Variants in OPHN1 observed in about 807,000 individuals in gnomAD.
The protein encoded by OPHN1 is oligophrenin-1.
Under a neutral mutation model 60.7 loss-of-function variants are expected in OPHN1, and 11 were observed. The ratio of observed to expected loss-of-function variants is 0.18; its 90% CI spans 0.11 to 0.30. The LOEUF (loss-of-function observed/expected upper bound fraction) is 0.30. Ranked by LOEUF, OPHN1 falls within the 10% of genes least tolerant of loss-of-function variation. The pLI, the probability that OPHN1 is intolerant of heterozygous loss-of-function variation, is 1.00. For missense variants in OPHN1, 449 were observed against 611.0 expected (o/e 0.73, Z 2.80); for synonymous variants, 226 against 222.6 (o/e 1.02, Z -0.14).
chrX:68,184,572 T>A (rs917000828), intron 15 of OPHN1, among the ~76,000 whole-genome samples: 1 of 110,985 alleles, frequency 9.0e-6, no homozygotes, highest in Non-Finnish European at 1.9e-5. Flanking sequence ...CAACACTGTA[T>A]TCAGATACAA....
intron 2 of OPHN1, among the ~76,000 whole-genome samples, chrX:68,383,632 T>C (rs1281210453): frequency 5.7e-5 from 5 of 88,206 alleles, no homozygotes; most frequent in African/African-American, 8.6e-5. Flanking sequence ...AAACAGGCAA[T>C]GTTGGAGGAA....
At chrX:68,386,300 GC>G (rs1418306639) in intron 2 of OPHN1, among the ~76,000 whole-genome samples, 1 of 111,541 alleles carries the variant, frequency 9.0e-6, no homozygotes, top group African/African-American at 3.3e-5. Context: ...TGAGAAGATG[GC>G]TTTGGGAAAA....
chrX:68,359,742 G>C (rs2078461010), intron 2 of OPHN1, among the ~76,000 whole-genome samples: 1 of 108,077 alleles, frequency 9.3e-6, no homozygotes, highest in African/African-American at 3.4e-5. Flanking sequence ...TGTAGTCCCA[G>C]CTACTCGGGA....
At chrX:68,409,790 C>T (rs1232736791) in intron 2 of OPHN1, among the ~76,000 whole-genome samples, 1 of 111,967 alleles carries the variant, frequency 8.9e-6, no homozygotes, top group Non-Finnish European at 1.9e-5. Flanking sequence ...CAAAGAATCA[C>T]TTCTAGGACA....
intron 2 of OPHN1, among the ~76,000 whole-genome samples, chrX:68,329,924 TA>T (rs779795235): frequency 8.9e-6 from 1 of 111,998 alleles, no homozygotes; most frequent in East Asian, 2.8e-4. Flanking sequence ...AGTTATGCTT[TA>T]TATTGAGAAC....
At chrX:68,376,937 T>C (rs2078560454) in intron 2 of OPHN1, among the ~76,000 whole-genome samples, 1 of 105,980 alleles carries the variant, frequency 9.4e-6, no homozygotes, top group Non-Finnish European at 2.0e-5. Flanking sequence ...AATCTTTTTT[T>C]TTTTTTTTTT....
chrX:68,232,422 A>C (rs1052215516), intron 6 of OPHN1, among the ~76,000 whole-genome samples: 2 of 111,503 alleles, frequency 1.8e-5, no homozygotes, highest in East Asian at 2.8e-4. Context: ...GGTGTCACCC[A>C]AGACACATTT....
intron 15 of OPHN1, among the ~76,000 whole-genome samples, chrX:68,166,836 T>A (rs1214403600): frequency 3.6e-5 from 4 of 112,173 alleles, no homozygotes; most frequent in African/African-American, 1.3e-4. Context: ...GATATCCATA[T>A]GCAGAAGAAT....
rs933984189 is a variant in OPHN1 at position 68,258,445 on chromosome X, G to C, written c.384+16293C>G. Among the ~76,000 whole-genome samples the C allele has an allele frequency of 2.1e-4, 17 of 80,717 alleles. No homozygotes were observed. In the Admixed American group the frequency reaches 2.6e-3, roughly 12 times the overall value. 70.1% of individuals were successfully genotyped at this position (80,717 alleles called of 115,157 possible). ...CACCCCACAACAGGCCCCTGTGTGT[G>C]ATGTTCCCCTTCCTGTGTCCGTGTG... On this transcript the variant is annotated intron_variant, in intron 5 of 24. Transcript: ENST00000355520.
At chrX:68,155,788 G>A (rs779616772) in intron 15 of OPHN1, among the ~76,000 whole-genome samples, 1 of 111,969 alleles carries the variant, frequency 8.9e-6, no homozygotes, top group East Asian at 2.8e-4. Context: ...CTTACAAAAT[G>A]TGAAGACTGG....
At chrX:68,416,214 G>T (rs2078798451) in intron 2 of OPHN1, among the ~76,000 whole-genome samples, 1 of 106,522 alleles carries the variant, frequency 9.4e-6, no homozygotes, top group African/African-American at 3.5e-5. Flanking sequence ...GCTAATTTTT[G>T]CATTTTTTTG....
intron 18 of OPHN1, among the ~76,000 whole-genome samples, chrX:68,110,469 A>C (rs1284816001): frequency 9.0e-6 from 1 of 111,593 alleles, no homozygotes; most frequent in East Asian, 2.8e-4. Flanking sequence ...TCAGAAAGTC[A>C]GAGCTGAGAA....
intron 20 of OPHN1, among the ~76,000 whole-genome samples, chrX:68,066,122 C>A (rs986618526): frequency 8.9e-6 from 1 of 112,366 alleles, no homozygotes; most frequent in Non-Finnish European, 1.9e-5. Context: ...GCTTCCAGGA[C>A]GTGCCTTGTG....
chrX:68,156,274 C>A, intron 15 of OPHN1, among the ~76,000 whole-genome samples: 1 of 99,367 alleles, frequency 1.0e-5, no homozygotes, highest in East Asian at 3.1e-4. Flanking sequence ...CATCTTAGTT[C>A]TGATGAATCA....
chrX:68,096,736 A>C, intron 19 of OPHN1, 134 bp downstream of exon 19: 2 of 635,182 alleles, frequency 3.1e-6, no homozygotes, highest in Admixed American at 4.6e-5. Context: ...AGTTGCCATT[A>C]AATGTCATTG....
At position 68,350,510 on chromosome X, in the gene OPHN1, T is replaced by TCCTC. The variant is rs375596478; in HGVS notation, c.155-51418_155-51415dup. 9.8e-3 allele frequency among the ~76,000 whole-genome samples: 789 copies of TCCTC among 80,434 alleles called. 24 individuals carry two copies. Among genetic ancestry groups the TCCTC allele is most frequent in the African/African-American group, 0.036 (755 of 21,003 alleles). The allele number at this position is 80,434 out of a possible 115,157, so 69.8% of individuals were successfully genotyped here. A position where few individuals can be genotyped will look rare whatever the true frequency, so the allele number is the denominator to read the frequency against. On this transcript the variant is annotated intron_variant, in intron 2 of 24. Transcript: ENST00000355520. ...TTCCTCCCTTCCTCCTTTCCTTCCT[T>TCCTC]CCTCCCTCCCTCCCTCCCTTCCTCC...
At position 68,200,695 on chromosome X, in the gene OPHN1, C is replaced by G. The variant is rs749524993; in HGVS notation, c.1025+924G>C. On this transcript the variant is annotated intron_variant, in intron 11 of 24. Coordinates refer to ENST00000355520, the MANE Select transcript of OPHN1 (RefSeq NM_002547.3). ...AATGAAACAAGCTAAGTCCTTTATT[C>G]CCCAATTTTTTTAAAAATGCCCTCA... 4.5e-5 allele frequency among the ~76,000 whole-genome samples: 5 copies of G among 111,635 alleles called. No homozygotes were observed. The South Asian group carries it at 1.5e-3, about 34-fold the overall frequency.
At chrX:68,198,065 C>T (rs550911193) in intron 11 of OPHN1, among the ~76,000 whole-genome samples, 2 of 110,979 alleles carry the variant, frequency 1.8e-5, no homozygotes, top group South Asian at 3.9e-4. Flanking sequence ...GCCTGGCACA[C>T]GGCTTCGAAC....
intron 2 of OPHN1, among the ~76,000 whole-genome samples, chrX:68,373,157 A>T (rs1398673103): frequency 8.9e-6 from 1 of 112,564 alleles, no homozygotes; most frequent in Non-Finnish European, 1.9e-5. Context: ...GCCTCCCCAA[A>T]GGGGAACTGG....
Sources: gnomAD v4.1 joint callset for allele counts (sites outside exome capture counted in the v4.1 genomes callset) on GRCh38, gnomAD v4.1.1 for gene constraint, MANE v1.5 for transcripts, NCBI Gene and HGNC (gene_info 2026-07-23, HGNC 2026-07-21) for gene names.